Variants in IGFBP7 observed in about 807,000 individuals in gnomAD.
IGFBP7 encodes the protein insulin like growth factor binding protein 7.
Under a neutral mutation model 29.4 loss-of-function variants are expected in IGFBP7, and 31 were observed. The observed-to-expected ratio is 1.05, with a 90% CI of 0.79 to 1.42. The LOEUF (loss-of-function observed/expected upper bound fraction) is 1.42, where lower values mean the gene tolerates loss of function less well. Ranked by LOEUF, IGFBP7 falls within the 40% of genes most tolerant of loss-of-function variation. The probability of loss-of-function intolerance (pLI) is 0.00; values close to 1 mark genes in which losing one functional copy is unlikely to be tolerated. For missense variants in IGFBP7, 393 were observed against 395.5 expected, an observed-to-expected ratio of 0.99 and a Z score of 0.05; for synonymous variants, 172 against 174.9, an observed-to-expected ratio of 0.98 and a Z score of 0.13.
intron 1 of IGFBP7, among the ~76,000 whole-genome samples, chr4:57,050,722 A>ATTTTT (rs35769988): frequency 7.1e-6 from 1 of 140,390 alleles, no homozygotes. Context: ...TTAAAAAAGA[A>ATTTTT]TTTTTTTTTT....
intron 1 of IGFBP7, chr4:57,072,928 T>G (rs1725091464): frequency 5.3e-6 from 4 of 747,758 alleles, no homozygotes; most frequent in Non-Finnish European, 9.6e-6. Flanking sequence ...CCCAGGGTAA[T>G]ATCTGCCTGG....
chr4:57,104,270 A>G (rs1725969345), intron 1 of IGFBP7, among the ~76,000 whole-genome samples: 1 of 152,104 alleles, frequency 6.6e-6, no homozygotes, highest in Non-Finnish European at 1.5e-5. Flanking sequence ...CACAACCTCT[A>G]TGCTAGCTCT....
chr4:57,063,533 C>G (rs890899829), intron 1 of IGFBP7, among the ~76,000 whole-genome samples: 3 of 152,224 alleles, frequency 2.0e-5, no homozygotes, highest in African/African-American at 4.8e-5. Flanking sequence ...AGTTTAGGAA[C>G]CATTCCAAGA....
Position 57,031,012 on chromosome 4 carries a change from T to G in IGFBP7, c.*305A>C. 4 of 1,313,390 alleles carry G rather than the reference T, an allele frequency of 3.0e-6. No homozygotes were observed. Among genetic ancestry groups the G allele is most frequent in the Non-Finnish European group, 4.4e-6 (4 of 905,744 alleles). The allele number at this position is 1,313,390 out of a possible 1,614,324, so 81.4% of individuals were successfully genotyped here. A position where few individuals can be genotyped will look rare whatever the true frequency, so the allele number is the denominator to read the frequency against. ...AGCTATTTTACAGGAGTCAACAAGA[T>G]AATTAAATATCTTGGTGTCTTGTTT... On this transcript the variant is annotated 3_prime_UTR_variant, in exon 5 of 5. Coordinates refer to ENST00000295666, the MANE Select transcript of IGFBP7 (RefSeq NM_001553.3).
chr4:57,099,729 C>G (rs936357095), intron 1 of IGFBP7, among the ~76,000 whole-genome samples: 1 of 152,144 alleles, frequency 6.6e-6, no homozygotes, highest in Admixed American at 6.6e-5. Context: ...AGGTTGGGCT[C>G]TAAGGTTTTC....
intron 1 of IGFBP7, among the ~76,000 whole-genome samples, chr4:57,052,877 A>T (rs1271846569): frequency 6.6e-6 from 1 of 152,194 alleles, no homozygotes; most frequent in Admixed American, 6.5e-5. Flanking sequence ...ATATCTCACT[A>T]CGATGACTGT....
chr4:57,079,406 A>G (rs906617938), intron 1 of IGFBP7, among the ~76,000 whole-genome samples: 1 of 149,730 alleles, frequency 6.7e-6, no homozygotes, highest in Admixed American at 6.7e-5. Context: ...CAGCCATGGG[A>G]AAAAAAAAAG....
chr4:57,052,283 G>A (rs1039770782), intron 1 of IGFBP7, among the ~76,000 whole-genome samples: 13 of 152,180 alleles, frequency 8.5e-5, no homozygotes, highest in African/African-American at 3.1e-4. Flanking sequence ...GAGCCTCAAA[G>A]GTTCCAGGAG....
intron 1 of IGFBP7, among the ~76,000 whole-genome samples, chr4:57,047,752 T>C (rs565672756): frequency 1.3e-5 from 2 of 152,346 alleles, no homozygotes; most frequent in South Asian, 4.1e-4. Context: ...TTTTTCTTTT[T>C]AGAGACTGGG....
In IGFBP7 at chr4:57,032,462, CTG is replaced by C; in HGVS notation, c.791_792del (p.Thr264SerfsTer3). 6.2e-6 allele frequency: 10 copies of C among 1,613,736 alleles called. No homozygotes were observed. The highest frequency in any genetic ancestry group is 8.5e-6 in the Non-Finnish European group (10 of 1,179,648). On this transcript the variant is annotated frameshift_variant, in exon 4 of 5. Coordinates refer to ENST00000295666, the MANE Select transcript of IGFBP7 (RefSeq NM_001553.3). LOFTEE classifies it high-confidence loss of function. ...GGTATTTCATGTAAGGCATCAACCA[CTG>C]TAATTTTTGCTGATGCTGAAGCCTG... Reference protein sequence around the residue: ...QGQASASAKITVVDALHEIPV... With the variant: ...QGQASASAKIXVVDALHEIPV...
chr4:57,110,209 C>T lies in IGFBP7; in HGVS notation c.143G>A (p.Cys48Tyr). 7.3e-7 allele frequency: 1 copy of T among 1,378,894 alleles called. No homozygotes were observed. The highest frequency in any genetic ancestry group is 1.7e-5 in the South Asian group (1 of 58,788). 85.4% of individuals were successfully genotyped at this position (1,378,894 alleles called of 1,614,324 possible). ...ASCPPLPPLG[C>Y]LLGETRDACG... ...CGCGTCGCGGGTCTCGCCCAGCAGG[C>T]AGCCCAGCGGGGGCAGGGGCGGGCA... is the stretch of plus-strand genomic sequence containing the variant. Residue 48 changes from cysteine to tyrosine, a missense_variant, in exon 1 of 5, where the codon TGC becomes TAC. Coordinates refer to ENST00000295666, the MANE Select transcript of IGFBP7 (RefSeq NM_001553.3).
chr4:57,048,159 C>A (rs550697567), intron 1 of IGFBP7, among the ~76,000 whole-genome samples: 2 of 151,682 alleles, frequency 1.3e-5, no homozygotes, highest in South Asian at 4.2e-4. Context: ...TCACGCCATT[C>A]TCCTGCCTCA....
chr4:57,078,523 G>A (rs530433193), intron 1 of IGFBP7, among the ~76,000 whole-genome samples: 2 of 151,836 alleles, frequency 1.3e-5, no homozygotes, highest in South Asian at 4.2e-4. Flanking sequence ...TCCACTGTTT[G>A]CCTTCAGTCT....
intron 4 of IGFBP7, chr4:57,032,105 G>T: frequency 3.8e-6 from 1 of 264,770 alleles, no homozygotes; most frequent in Non-Finnish European, 6.8e-6. Flanking sequence ...GAATTTAATA[G>T]TCACAACACA....
intron 1 of IGFBP7, among the ~76,000 whole-genome samples, chr4:57,092,364 G>A (rs1725661970): frequency 6.6e-6 from 1 of 152,102 alleles, no homozygotes; most frequent in South Asian, 2.1e-4. Flanking sequence ...TTCATGATCT[G>A]AGATAGAAAC....
In IGFBP7 at chr4:57,057,541, C is replaced by T. The variant is rs951578118; in HGVS notation, c.476-16608G>A. 2.0e-5 allele frequency among the ~76,000 whole-genome samples: 3 copies of T among 152,146 alleles called. No homozygotes were observed. The East Asian group carries it at 5.8e-4, about 29-fold the overall frequency. ...TTTCAGATTTGGCGCCTCTTCAGAG[C>T]AACCATACATAAAAGTAGGAAACTC... On this transcript the variant is annotated intron_variant, in intron 1 of 4. Coordinates refer to ENST00000295666, the MANE Select transcript of IGFBP7 (RefSeq NM_001553.3).
intron 1 of IGFBP7, among the ~76,000 whole-genome samples, chr4:57,078,384 T>C (rs1469025213): frequency 6.6e-6 from 1 of 152,032 alleles, no homozygotes; most frequent in Non-Finnish European, 1.5e-5. Context: ...ACCTCATAGG[T>C]AACCTAAAAT....
At chr4:57,045,623 C>A (rs1490671172) in intron 1 of IGFBP7, among the ~76,000 whole-genome samples, 1 of 152,110 alleles carries the variant, frequency 6.6e-6, no homozygotes, top group Non-Finnish European at 1.5e-5. Flanking sequence ...CCAGTACTTT[C>A]TTCAGAGCTG....
intron 1 of IGFBP7, among the ~76,000 whole-genome samples, chr4:57,069,315 G>A (rs780557328): frequency 2.0e-4 from 31 of 152,178 alleles, no homozygotes; most frequent in Non-Finnish European, 3.8e-4. Flanking sequence ...TAGGCCTGGG[G>A]TGATGGCTCA....
Sources: allele counts gnomAD v4.1 joint callset (sites outside exome capture counted in the v4.1 genomes callset), GRCh38; gene constraint gnomAD v4.1.1; transcripts MANE v1.5; gene names NCBI Gene and HGNC (gene_info 2026-07-23, HGNC 2026-07-21).